The following ZNF462 variants were observed in gnomAD, a reference collection of about 807,000 sequenced individuals.
ZNF462 encodes zinc finger PBX1-interacting protein.
Under a neutral mutation model 201.9 loss-of-function variants are expected in ZNF462, and 10 were observed. The ratio of observed to expected loss-of-function variants is 0.05; its 90% confidence interval spans 0.03 to 0.08. ZNF462 has a LOEUF of 0.08. ZNF462 is among the 10% of genes least tolerant of loss of function. ZNF462 has a pLI of 1.00. For missense variants in ZNF462, 2,523 were observed against 3,168.3 expected (o/e 0.80, Z 4.89); for synonymous variants, 1,227 against 1,193.3 (o/e 1.03, Z -0.58).
In ZNF462 at chr9:106,962,870, G is replaced by A. The variant is rs73524905; in HGVS notation, c.6428-9135G>A. ...TGGCCATTGTATCATAATCTTGTGC[G>A]TCCAGGCCAGAGAGCTCCACTGATG... On this transcript the variant is annotated intron_variant, in intron 7 of 12. Transcript: ENST00000277225. The surrounding 1 kb of genome is among the most constrained non-coding windows in gnomAD (Gnocchi z 4.6). Among the ~76,000 whole-genome samples the A allele has an allele frequency of 1.1e-3, 172 of 152,022 alleles. No homozygotes were observed. The highest frequency in any genetic ancestry group is 3.7e-3 in the African/African-American group (153 of 41,496).
chr9:106,986,869 G>A (rs1220190013), intron 10 of ZNF462, among the ~76,000 whole-genome samples: 1 of 152,032 alleles, frequency 6.6e-6, no homozygotes, highest in Non-Finnish European at 1.5e-5. Context: ...ACCATGTTTG[G>A]TTTTCCATCC....
chr9:106,977,491 C>G lies in ZNF462; in HGVS notation c.6832+3218C>G, dbSNP rs569414638. Among the ~76,000 whole-genome samples the G allele has an allele frequency of 5.3e-5, 8 of 151,734 alleles. No homozygotes were observed. Among genetic ancestry groups the G allele is most frequent in the African/African-American group, 1.9e-4 (8 of 41,042 alleles). On this transcript the variant is annotated intron_variant, in intron 9 of 12. Transcript: ENST00000277225. The surrounding 1 kb of genome is among the most constrained non-coding windows in gnomAD (Gnocchi z 4.6). The stretch of plus-strand genomic sequence containing the variant: ...AAGTAGAGAGAGAATCTACTTCGCT[C>G]ATGGGAAATCTGAATATGAACTAAT...
intron 7 of ZNF462, among the ~76,000 whole-genome samples, chr9:106,965,316 T>C (rs1438527273): frequency 6.6e-6 from 1 of 151,890 alleles, no homozygotes; most frequent in African/African-American, 2.4e-5. Context: ...AGAGCTTTAC[T>C]CTTGAGCAAT....
chr9:106,929,806 C>G lies in ZNF462; in HGVS notation c.5847+47C>G. The G allele has an allele frequency of 6.6e-7, 1 of 1,525,902 alleles. No homozygotes were observed. Among genetic ancestry groups the G allele is most frequent in the Non-Finnish European group, 8.9e-7 (1 of 1,123,666 alleles). The allele number at this position is 1,525,902 out of a possible 1,614,324, so 94.5% of individuals were successfully genotyped here. A position where few individuals can be genotyped will look rare whatever the true frequency, so the allele number is the denominator to read the frequency against. The stretch of plus-strand genomic sequence containing the variant: ...CCTTCCCCCAGGAGGCCTCTCATCA[C>G]TGGTGCCCACATGCACTTCTTCGTT... On this transcript the variant is annotated intron_variant, in intron 3 of 12. Transcript: ENST00000277225. This position sits in a 1 kb window ranked among gnomAD's most constrained non-coding sequence, Gnocchi z 8.7.
In ZNF462 at chr9:106,935,679, A is replaced by G. The variant is rs570496058; in HGVS notation, c.6235+58A>G. On this transcript the variant is annotated intron_variant, in intron 6 of 12. Coordinates refer to ENST00000277225, the MANE Select transcript of ZNF462 (RefSeq NM_021224.6). The surrounding 1 kb of genome is among the most constrained non-coding windows in gnomAD (Gnocchi z 4.1). ...TAGCACTCTCTGAGTTTGAAACCTG[A>G]TGATCTTTATTGAGTGAAATACTGT... 70 of 1,362,826 alleles carry G rather than the reference A, an allele frequency of 5.1e-5. No homozygotes were observed. Among genetic ancestry groups the G allele is most frequent in the Non-Finnish European group, 7.0e-5 (67 of 954,812 alleles). The allele number at this position is 1,362,826 out of a possible 1,614,324, so 84.4% of individuals were successfully genotyped here. A position where few individuals can be genotyped will look rare whatever the true frequency, so the allele number is the denominator to read the frequency against.
intron 7 of ZNF462, among the ~76,000 whole-genome samples, chr9:106,939,473 A>C (rs577995871): frequency 6.6e-6 from 1 of 152,350 alleles, no homozygotes; most frequent in South Asian, 2.1e-4. Flanking sequence ...TGTTCTAAAA[A>C]TATGTGCTGC....
intron 1 of ZNF462, among the ~76,000 whole-genome samples, chr9:106,912,669 A>T (rs932919819): frequency 2.2e-4 from 34 of 151,980 alleles, no homozygotes; most frequent in African/African-American, 8.2e-4. Context: ...TGGGCAGGTT[A>T]TTTTTCTTGA....
At chr9:106,945,812 G>A (rs1831079441) in intron 7 of ZNF462, among the ~76,000 whole-genome samples, 1 of 152,182 alleles carries the variant, frequency 6.6e-6, no homozygotes, top group African/African-American at 2.4e-5. Flanking sequence ...TGGCATTGAA[G>A]ACCCCGAATC....
intron 1 of ZNF462, among the ~76,000 whole-genome samples, chr9:106,882,031 G>A (rs1365003356): frequency 1.3e-5 from 2 of 152,146 alleles, no homozygotes; most frequent in South Asian, 2.1e-4. Flanking sequence ...CAGTTTTAAT[G>A]TCTTACAAGC....
chr9:107,009,392 G>A lies in ZNF462; in HGVS notation c.7190-153G>A. 1.1e-5 allele frequency: 12 copies of A among 1,057,544 alleles called. No homozygotes were observed. The highest frequency in any genetic ancestry group is 1.6e-5 in the Non-Finnish European group (12 of 742,834). The allele number at this position is 1,057,544 out of a possible 1,614,324, so 65.5% of individuals were successfully genotyped here. On this transcript the variant is annotated intron_variant, in intron 11 of 12. Coordinates refer to ENST00000277225, the MANE Select transcript of ZNF462 (RefSeq NM_021224.6). The surrounding 1 kb of genome is among the most constrained non-coding windows in gnomAD (Gnocchi z 6.1). The stretch of plus-strand genomic sequence containing the variant: ...TGCTATTCAAGGAATGCCCTAAGGG[G>A]GAAACCTAAGAAAAAGTGAGGAATC...
rs1827855473 is a variant in ZNF462, at chr9:106,876,904, G to A, written c.-31+13549G>A. ...GCTCTACTCACATACATATCTCTTA[G>A]CCAGTTTGAGGACTGCCCCATAGCC... On this transcript the variant is annotated intron_variant, in intron 1 of 12. Transcript: ENST00000277225. The surrounding 1 kb of genome is among the most constrained non-coding windows in gnomAD (Gnocchi z 4.9). Among the ~76,000 whole-genome samples the A allele has an allele frequency of 6.6e-6, 1 of 152,064 alleles. No individual in the cohort carries two copies. The highest frequency in any genetic ancestry group is 2.1e-4 in the South Asian group (1 of 4,820).
At chr9:106,967,859 A>G (rs12005883) in intron 7 of ZNF462, among the ~76,000 whole-genome samples, 41,977 of 151,804 alleles carry the variant, frequency 0.28, 9,076 homozygotes, top group African/African-American at 0.61. Context: ...GAAATTTCAG[A>G]TATTCTTTCT....
intron 10 of ZNF462, among the ~76,000 whole-genome samples, chr9:106,988,929 A>ATTTCTGGAGGAGTCCTT (rs1564155710): frequency 6.6e-6 from 1 of 152,000 alleles, no homozygotes; most frequent in Non-Finnish European, 1.5e-5. Context: ...GTTCTAGGAG[A>ATTTCTGGAGGAGTCCTT]TTTCTGGAGG....
chr9:106,929,388 A>G lies in ZNF462; in HGVS notation c.5476A>G (p.Arg1826Gly), dbSNP rs761354385. The change falls in exon 3 of 13, where the codon AGA (arginine) becomes GGA (glycine). Residue 1826 changes from arginine (R) to glycine (G), a missense_variant. Around this residue, in one of 15 missense-constraint regions of ZNF462, gnomAD observed 207 missense variants for 231.6 expected, o/e 0.89. Coordinates refer to ENST00000277225, the MANE Select transcript of ZNF462 (RefSeq NM_021224.6). The surrounding 1 kb of genome is among the most constrained non-coding windows in gnomAD (Gnocchi z 8.7). ...GCCCACACTGATGGAAGAAGAGGAG[A>G]GAGGCAACTTTGAGAAAGCCGAGGT... ...EKPTLMEEEERGNFEKAEVEG... is the reference protein window; with the variant it reads ...EKPTLMEEEEGGNFEKAEVEG... 2 of 1,614,124 alleles carry G rather than the reference A, an allele frequency of 1.2e-6. No homozygotes were observed. The highest frequency in any genetic ancestry group is 2.2e-5 in the South Asian group (2 of 91,074).
intron 1 of ZNF462, among the ~76,000 whole-genome samples, chr9:106,875,898 A>G (rs1827809269): frequency 6.6e-6 from 1 of 152,224 alleles, no homozygotes; most frequent in African/African-American, 2.4e-5. Context: ...ATATTGCTTT[A>G]TATGTGTATA....
At chr9:106,908,906 TATACATATATATATATATA>T (rs1829389445) in intron 1 of ZNF462, among the ~76,000 whole-genome samples, 1 of 76,760 alleles carries the variant, frequency 1.3e-5, no homozygotes, top group Non-Finnish European at 2.4e-5. Context: ...TTTGCCCATA[TATACATATATATATATATA>T]TATATATATA....
chr9:106,979,109 C>T (rs1330890066), intron 9 of ZNF462: 1 of 160,776 alleles, frequency 6.2e-6, no homozygotes, highest in African/African-American at 2.4e-5. Flanking sequence ...CATGTGCAGT[C>T]ACCATCGGCT....
In ZNF462 at chr9:106,913,721, C is replaced by T. The variant is rs1356691962; in HGVS notation, c.-30-9633C>T. Among the ~76,000 whole-genome samples, 2 of 144,692 alleles carry T rather than the reference C, an allele frequency of 1.4e-5. No individual in the cohort carries two copies. Among genetic ancestry groups the T allele is most frequent in the Non-Finnish European group, 3.1e-5 (2 of 63,890 alleles). 94.9% of individuals were successfully genotyped at this position (144,692 alleles called of 152,430 possible). A position where few individuals can be genotyped will look rare whatever the true frequency, so the allele number is the denominator to read the frequency against. On this transcript the variant is annotated intron_variant, in intron 1 of 12. Transcript: ENST00000277225. The surrounding 1 kb of genome is among the most constrained non-coding windows in gnomAD (Gnocchi z 4.1). ...CAAACAGTTTTCCTGCCTCAGCCTC[C>T]CGAGTAGCTGGGATTACAGGCACCT...
At chr9:106,907,604 A>G (rs891832337) in intron 1 of ZNF462, among the ~76,000 whole-genome samples, 12 of 151,282 alleles carry the variant, frequency 7.9e-5, no homozygotes, top group African/African-American at 2.9e-4. Flanking sequence ...GTTTTGCCCT[A>G]CTCCCTTTTT....
Sources: allele counts gnomAD v4.1 joint callset (sites outside exome capture counted in the v4.1 genomes callset), GRCh38; gene constraint gnomAD v4.1.1; regional missense constraint gnomAD v4.1.1; non-coding constraint Gnocchi (gnomAD v3.1); transcripts MANE v1.5; gene names NCBI Gene and HGNC (gene_info 2026-07-23, HGNC 2026-07-21).